EPHA3: variants seen among roughly 807,000 people sequenced by gnomAD.
EPHA3 encodes ephrin type-A receptor 3.
A neutral mutation model predicts 107.1 loss-of-function variants in EPHA3; 42 were observed. The ratio of observed to expected loss-of-function variants is 0.39; its 90% CI spans 0.31 to 0.51. The LOEUF (loss-of-function observed/expected upper bound fraction) is 0.51, where lower values mean the gene tolerates loss of function less well. Among genes scored for constraint, EPHA3 ranks in the 20% least tolerant of loss-of-function variants. The pLI, the probability that EPHA3 is intolerant of heterozygous loss-of-function variation, is 0.78. For missense variants in EPHA3, 1,183 were observed against 1,211.2 expected, an observed-to-expected ratio of 0.98 and a Z score of 0.35; for synonymous variants, 461 against 424.8, an observed-to-expected ratio of 1.09 and a Z score of -1.05.
chr3:89,378,861 CATCA>C (rs67145500), intron 5 of EPHA3, among the ~76,000 whole-genome samples: 46,503 of 151,866 alleles, frequency 0.31, 8,930 homozygotes, highest in South Asian at 0.52. Flanking sequence ...CGTGTATAAA[CATCA>C]ATCAGTTAAT....
At chr3:89,448,203 G>C (rs1709916347) in intron 13 of EPHA3, among the ~76,000 whole-genome samples, 1 of 152,056 alleles carries the variant, frequency 6.6e-6, no homozygotes, top group Admixed American at 6.6e-5. Context: ...GAGATTGTTG[G>C]AAATGCAGAC....
rs1478441720 is a variant in EPHA3 at position 89,427,677 on chromosome 3, A to T, written c.2075-1429A>T. Among the ~76,000 whole-genome samples, 8 of 151,858 alleles carry T rather than the reference A, an allele frequency of 5.3e-5. No homozygotes were observed. In the East Asian group the frequency reaches 1.5e-3, roughly 29 times the overall value. On this transcript the variant is annotated intron_variant, in intron 11 of 16. Coordinates refer to ENST00000336596, the MANE Select transcript of EPHA3 (RefSeq NM_005233.6). ...GAAATTAGAGACAGTCGTGTTTAAA[A>T]TTTTCTTGACTGCTATCTAATTGTA...
At chr3:89,479,330 A>T in intron 16 of EPHA3, 67 bp from the exon 17 acceptor site, 1 of 1,248,096 alleles carries the variant, frequency 8.0e-7, no homozygotes, top group Non-Finnish European at 1.2e-6. Flanking sequence ...AAATTGTGCT[A>T]ATTGAAAATC....
At chr3:89,472,674 CTTGACA>C (rs758319022) in intron 16 of EPHA3, 55 bp downstream of exon 16, 2 of 1,552,308 alleles carry the variant, frequency 1.3e-6, no homozygotes, top group Admixed American at 3.7e-5. Context: ...ACTTTCTTGG[CTTGACA>C]TGAAAGATTT....
intron 3 of EPHA3, among the ~76,000 whole-genome samples, chr3:89,247,592 C>A (rs960396521): frequency 6.6e-6 from 1 of 151,880 alleles, no homozygotes; most frequent in Non-Finnish European, 1.5e-5. Flanking sequence ...GATTTGAAGA[C>A]CATGGAAACA....
chr3:89,134,621 T>TGGA (rs1195058349), intron 2 of EPHA3, among the ~76,000 whole-genome samples: 1 of 152,186 alleles, frequency 6.6e-6, no homozygotes, highest in Non-Finnish European at 1.5e-5. Context: ...CTATCATTGT[T>TGGA]CGACATTTGG....
At chr3:89,285,673 A>G (rs1474998590) in intron 3 of EPHA3, among the ~76,000 whole-genome samples, 2 of 152,224 alleles carry the variant, frequency 1.3e-5, no homozygotes, top group Non-Finnish European at 2.9e-5. Context: ...TATTTCACGA[A>G]TATTAATGTT....
intron 13 of EPHA3, among the ~76,000 whole-genome samples, chr3:89,432,307 A>G (rs964929567): frequency 1.1e-4 from 16 of 152,182 alleles, no homozygotes; most frequent in Non-Finnish European, 1.6e-4. Flanking sequence ...TTGAATGTAT[A>G]TGTTTTAATT....
At chr3:89,155,145 T>G (rs1704771127) in intron 2 of EPHA3, among the ~76,000 whole-genome samples, 1 of 151,710 alleles carries the variant, frequency 6.6e-6, no homozygotes, top group East Asian at 1.9e-4. Context: ...ATTATGGAGT[T>G]AATAGACTCA....
rs1316191764 is a variant in EPHA3 at position 89,412,464 on chromosome 3, C to T, written c.1763-677C>T. ...CTTCTAATTATGTTATAAAGCTATA[C>T]AATATGATTATATTTAACTGATACT... On this transcript the variant is annotated intron_variant, in intron 9 of 16. Transcript: ENST00000336596. 1.3e-5 allele frequency among the ~76,000 whole-genome samples: 2 copies of T among 151,496 alleles called. 1 individual carries two copies. Among genetic ancestry groups the T allele is most frequent in the South Asian group, 4.2e-4 (2 of 4,810 alleles).
intron 9 of EPHA3, among the ~76,000 whole-genome samples, chr3:89,409,051 T>A (rs776347686): frequency 8.5e-5 from 13 of 152,122 alleles, no homozygotes; most frequent in Non-Finnish European, 1.8e-4. Flanking sequence ...GTTGCTAACC[T>A]GCAGGAAGCA....
At chr3:89,159,107 A>G (rs894354019) in intron 2 of EPHA3, among the ~76,000 whole-genome samples, 7 of 152,098 alleles carry the variant, frequency 4.6e-5, no homozygotes, top group African/African-American at 1.7e-4. Flanking sequence ...CATATTTTCA[A>G]ATGTTTCTAA....
At chr3:89,197,543 G>A (rs1175398683) in intron 2 of EPHA3, among the ~76,000 whole-genome samples, 8 of 152,034 alleles carry the variant, frequency 5.3e-5, no homozygotes, top group Non-Finnish European at 1.0e-4. Context: ...AAAGATAATA[G>A]TGAAAAGAAG....
At chr3:89,445,182 C>T (rs1342289988) in intron 13 of EPHA3, among the ~76,000 whole-genome samples, 1 of 152,108 alleles carries the variant, frequency 6.6e-6, no homozygotes, top group East Asian at 1.9e-4. Context: ...ACAAGAATTG[C>T]TTGAGCCTGA....
At chr3:89,469,663 A>C (rs1710362483) in intron 15 of EPHA3, among the ~76,000 whole-genome samples, 1 of 152,232 alleles carries the variant, frequency 6.6e-6, no homozygotes, top group African/African-American at 2.4e-5. Flanking sequence ...CATTTAGAAC[A>C]GGAGCTTTTA....
At chr3:89,441,070 C>A (rs1286736524) in intron 13 of EPHA3, among the ~76,000 whole-genome samples, 1 of 152,098 alleles carries the variant, frequency 6.6e-6, no homozygotes, top group Non-Finnish European at 1.5e-5. Flanking sequence ...TTTTGAATGA[C>A]AAGACAGCTG....
intron 5 of EPHA3, among the ~76,000 whole-genome samples, chr3:89,366,700 A>C (rs1708190484): frequency 2.0e-5 from 3 of 150,694 alleles, no homozygotes. Context: ...CCCAGACTTT[A>C]ACTGGGAAAC....
At chr3:89,359,380 C>T (rs1376358305) in intron 5 of EPHA3, among the ~76,000 whole-genome samples, 1 of 150,444 alleles carries the variant, frequency 6.6e-6, no homozygotes, top group Non-Finnish European at 1.5e-5. Flanking sequence ...AAAGTAAAAA[C>T]GATTAAAATG....
chr3:89,428,995 C>A, intron 11 of EPHA3, 111 bp from the exon 12 acceptor site: 1 of 641,986 alleles, frequency 1.6e-6, no homozygotes, highest in Non-Finnish European at 2.3e-6. Flanking sequence ...AGAAGACAGG[C>A]AAAGTTCTTA....
Sources: allele counts gnomAD v4.1 joint callset (sites outside exome capture counted in the v4.1 genomes callset), GRCh38; gene constraint gnomAD v4.1.1; transcripts MANE v1.5; gene names NCBI Gene and HGNC (gene_info 2026-07-23, HGNC 2026-07-21).